Variants in C12orf56 observed in about 807,000 individuals in gnomAD.
The protein encoded by C12orf56 is chromosome 12 open reading frame 56.
C12orf56 carries 71 observed loss-of-function variants against 69.9 expected under a neutral mutation model. That is an observed-to-expected ratio of 1.02 (90% confidence interval 0.84 to 1.24). The LOEUF is 1.24. Ranked by LOEUF, C12orf56 falls within the 50% of genes most tolerant of loss-of-function variation. The pLI, the probability that C12orf56 is intolerant of heterozygous loss-of-function variation, is 0.00. For missense variants in C12orf56, 732 were observed against 738.5 expected (o/e 0.99, Z 0.10); for synonymous variants, 276 against 274.1 (o/e 1.01, Z -0.07).
intron 3 of C12orf56, among the ~76,000 whole-genome samples, chr12:64,319,540 C>T (rs1489438881): frequency 6.6e-6 from 1 of 152,108 alleles, no homozygotes; most frequent in Non-Finnish European, 1.5e-5. Context: ...GGACTACAGG[C>T]ATGTGCCACT....
At chr12:64,278,718 G>A (rs2038087612) in intron 8 of C12orf56, among the ~76,000 whole-genome samples, 1 of 152,104 alleles carries the variant, frequency 6.6e-6, no homozygotes, top group East Asian at 1.9e-4. Context: ...TCTAACTGAA[G>A]TTTTGTACCC....
intron 9 of C12orf56, 112 bp from the exon 10 acceptor site, chr12:64,275,484 C>CCTTGTCTCAA: frequency 1.9e-6 from 1 of 518,614 alleles, no homozygotes; most frequent in Non-Finnish European, 3.3e-6. Flanking sequence ...TTTTTTGAGA[C>CCTTGTCTCAA]AAGGTCTCAT....
At chr12:64,318,110 G>A (rs1379136850) in intron 4 of C12orf56, among the ~76,000 whole-genome samples, 1 of 152,000 alleles carries the variant, frequency 6.6e-6, no homozygotes, top group African/African-American at 2.4e-5. Flanking sequence ...GCCCTGGAGT[G>A]CAGTGGTGCA....
At chr12:64,267,314 TAGAG>T (rs761284146) in intron 12 of C12orf56, 26 bp from the exon 13 acceptor site, 3 of 1,538,390 alleles carry the variant, frequency 2.0e-6, no homozygotes, top group Admixed American at 1.9e-5. Context: ...AGAAACAAAA[TAGAG>T]AGTTTTAAAA....
intron 1 of C12orf56, 48 bp downstream of exon 1, chr12:64,390,266 G>C (rs1476843527): frequency 3.9e-6 from 6 of 1,545,764 alleles, no homozygotes; most frequent in Non-Finnish European, 5.2e-6. Context: ...CCCCAGCCGG[G>C]AGTTCTCACT....
rs2037974411 is a variant in C12orf56 at position 64,270,666 on chromosome 12, C to G, written c.1633G>C (p.Ala545Pro). The G allele has an allele frequency of 6.2e-7, 1 of 1,613,080 alleles. No homozygotes were observed. The highest frequency in any genetic ancestry group is 8.5e-7 in the Non-Finnish European group (1 of 1,179,616). Residue 545 changes from alanine (A) to proline (P), a missense_variant, in exon 12 of 13, where the codon GCT (alanine) becomes CCT (proline). Ala to Pro is a conservative substitution (Grantham distance 27). Coordinates refer to ENST00000543942, the MANE Select transcript of C12orf56 (RefSeq NM_001170633.2). ...IVKQVVRGLS[A>P]SFQLLSPCQA... ...CAGGGACTTAGCAGCTGAAATGAAGCTGAAAGACCCCTCACCACTTGTTTC... is the reference window on the plus strand; with the variant it reads ...CAGGGACTTAGCAGCTGAAATGAAGGTGAAAGACCCCTCACCACTTGTTTC...
chr12:64,334,827 A>G (rs191488385), intron 2 of C12orf56, among the ~76,000 whole-genome samples: 3 of 152,252 alleles, frequency 2.0e-5, no homozygotes, highest in East Asian at 1.9e-4. Context: ...TTTTATACCA[A>G]TATTTCAAAA....
intron 3 of C12orf56, among the ~76,000 whole-genome samples, chr12:64,329,773 C>G (rs1242549201): frequency 1.1e-4 from 16 of 145,546 alleles, no homozygotes; most frequent in African/African-American, 2.0e-4. Context: ...GAGAATATGC[C>G]GTGTTTGGTT....
chr12:64,268,729 T>A (rs997044740), intron 12 of C12orf56, among the ~76,000 whole-genome samples: 6 of 152,182 alleles, frequency 3.9e-5, no homozygotes, highest in South Asian at 4.2e-4. Context: ...ATATATATAT[T>A]TTTTTAAGTG....
chr12:64,376,549 C>A (rs2039643639), intron 1 of C12orf56, among the ~76,000 whole-genome samples: 2 of 152,100 alleles, frequency 1.3e-5, no homozygotes, highest in African/African-American at 4.8e-5. Flanking sequence ...CATTCCATCA[C>A]CCAGGTGTTA....
intron 1 of C12orf56, among the ~76,000 whole-genome samples, chr12:64,373,957 A>G (rs2039607151): frequency 6.6e-6 from 1 of 152,124 alleles, no homozygotes; most frequent in Admixed American, 6.6e-5. Flanking sequence ...AGTAGAAACT[A>G]TTTTTCCATT....
chr12:64,337,138 T>C (rs530714041), intron 2 of C12orf56, among the ~76,000 whole-genome samples: 4 of 152,328 alleles, frequency 2.6e-5, no homozygotes, highest in African/African-American at 4.8e-5. Flanking sequence ...AAAAGGCTCA[T>C]ATATCAACAT....
intron 2 of C12orf56, among the ~76,000 whole-genome samples, chr12:64,335,751 T>G (rs955106805): frequency 7.2e-5 from 11 of 152,210 alleles, no homozygotes; most frequent in African/African-American, 2.7e-4. Context: ...AGGAATCCTG[T>G]TAAAAATGTG....
chr12:64,266,662 C>A lies in C12orf56; in HGVS notation c.*521G>T. The A allele has an allele frequency of 1.1e-6, 1 of 878,692 alleles. No homozygotes were observed. The highest frequency in any genetic ancestry group is 1.5e-6 in the Non-Finnish European group (1 of 646,482). 54.4% of individuals were successfully genotyped at this position (878,692 alleles called of 1,614,324 possible). The stretch of plus-strand genomic sequence containing the variant: ...GTGAAGAGCATGCTCCTGTGCCTGG[C>A]ATGGTTTCACCGAGAACACTGTGCC... On this transcript the variant is annotated 3_prime_UTR_variant, in exon 13 of 13. Transcript: ENST00000543942.
intron 6 of C12orf56, among the ~76,000 whole-genome samples, 154 bp downstream of exon 6, chr12:64,303,481 C>T (rs2038473504): frequency 6.6e-6 from 1 of 151,334 alleles, no homozygotes; most frequent in Admixed American, 6.6e-5. Context: ...CACAAAGTAT[C>T]CACCATTAAG....
chr12:64,300,453 T>A (rs773805064), intron 6 of C12orf56, among the ~76,000 whole-genome samples: 11 of 152,182 alleles, frequency 7.2e-5, no homozygotes, highest in Admixed American at 1.3e-4. Flanking sequence ...ATCAACATCC[T>A]TCTTAATCTA....
chr12:64,387,112 A>G (rs1196602889), intron 1 of C12orf56, among the ~76,000 whole-genome samples: 1 of 119,474 alleles, frequency 8.4e-6, no homozygotes, highest in African/African-American at 2.8e-5. Context: ...AAAAAAAAAG[A>G]TGTGTTCACA....
Position 64,390,479 on chromosome 12 carries a change from G to A in C12orf56, c.87C>T (p.Val29=). 1 of 1,604,910 alleles carries A rather than the reference G, an allele frequency of 6.2e-7. No homozygotes were observed. Among genetic ancestry groups the A allele is most frequent in the Non-Finnish European group, 8.5e-7 (1 of 1,179,636 alleles). ...VFLRRHLPPE[V]YDAVRAYEPC... is the part of the protein sequence containing the mutation. ...GCTCGTAGGCGCGGACCGCGTCGTA[G>A]ACCTCGGGCGGCAGATGCCGCCGCA... The change falls in exon 1 of 13, where the codon GTC becomes GTT. Residue 29 remains valine, a synonymous_variant. Coordinates refer to ENST00000543942, the MANE Select transcript of C12orf56 (RefSeq NM_001170633.2).
intron 11 of C12orf56, among the ~76,000 whole-genome samples, chr12:64,272,574 TAAAA>T: frequency 1.4e-5 from 1 of 71,536 alleles, no homozygotes; most frequent in East Asian, 2.7e-4. Flanking sequence ...AGTAAAAAAA[TAAAA>T]ATAAAAAAAT....
Sources: allele counts gnomAD v4.1 joint callset (sites outside exome capture counted in the v4.1 genomes callset), GRCh38; gene constraint gnomAD v4.1.1; transcripts MANE v1.5; gene names NCBI Gene and HGNC (gene_info 2026-07-23, HGNC 2026-07-21).